Variants in RHBDD1 observed in about 807,000 individuals in gnomAD.
RHBDD1 encodes the protein rhomboid-related protein 4.
RHBDD1 carries 38 observed loss-of-function variants against 36.3 expected under a neutral mutation model. The ratio of observed to expected loss-of-function variants is 1.05; its 90% CI spans 0.81 to 1.37. RHBDD1 has a LOEUF of 1.37. RHBDD1 is among the 40% of genes most tolerant of loss of function. RHBDD1 has a pLI of 0.00. For synonymous variants in RHBDD1, 151 were observed against 136.5 expected (o/e 1.11, Z -0.74); for missense variants, 393 against 377.6 (o/e 1.04, Z -0.34).
intron 5 of RHBDD1, among the ~76,000 whole-genome samples, chr2:226,880,810 A>C (rs1407249871): frequency 2.0e-5 from 3 of 152,224 alleles, no homozygotes; most frequent in Non-Finnish European, 4.4e-5. Flanking sequence ...TGAATTACAT[A>C]AATAAGCCGA....
rs143072784 is a variant in RHBDD1 at position 226,982,080 on chromosome 2, C to G, written c.857-13351C>G. ...CTTTCACATATTTTCAACTTCCCCCCGCCCTCTTTTCTTTTCTTGCCCAGC... is the reference window on the plus strand; with the variant it reads ...CTTTCACATATTTTCAACTTCCCCCGGCCCTCTTTTCTTTTCTTGCCCAGC... On this transcript the variant is annotated intron_variant, in intron 8 of 8. Transcript: ENST00000392062. Among the ~76,000 whole-genome samples, 11 of 152,338 alleles carry G rather than the reference C, an allele frequency of 7.2e-5. No individual in the cohort carries two copies. In the East Asian group the frequency reaches 2.1e-3, roughly 29 times the overall value.
chr2:226,995,059 G>C (rs529656978), intron 8 of RHBDD1, among the ~76,000 whole-genome samples: 149 of 152,096 alleles, frequency 9.8e-4, no homozygotes, highest in African/African-American at 3.5e-3. Flanking sequence ...CTAGTTGGTG[G>C]GGAAGTTAGT....
upstream of RHBDD1, among the ~76,000 whole-genome samples, chr2:226,833,178 C>T (rs932193430): frequency 6.6e-6 from 1 of 152,064 alleles, no homozygotes; most frequent in South Asian, 2.1e-4. Flanking sequence ...ATTTAATTTG[C>T]AAGCTTTTCC....
chr2:226,898,427 T>A (rs1346981622), intron 5 of RHBDD1, among the ~76,000 whole-genome samples: 1 of 152,210 alleles, frequency 6.6e-6, no homozygotes, highest in Non-Finnish European at 1.5e-5. Context: ...TGTCTGCAGT[T>A]GGTGCCATGT....
At chr2:226,859,302 T>A (rs917788075) in intron 3 of RHBDD1, among the ~76,000 whole-genome samples, 3 of 152,222 alleles carry the variant, frequency 2.0e-5, no homozygotes, top group Admixed American at 6.5e-5. Context: ...GTACAGACTT[T>A]TTTTTCTTGT....
chr2:226,821,003 T>G, the RHBDD1 span, among the ~76,000 whole-genome samples: 1 of 152,164 alleles, frequency 6.6e-6, no homozygotes, highest in African/African-American at 2.4e-5. Flanking sequence ...AGGCTTCTGG[T>G]ACCCCCATCC....
chr2:226,902,979 TATATC>T (rs1287796839), intron 5 of RHBDD1, among the ~76,000 whole-genome samples: 1 of 152,238 alleles, frequency 6.6e-6, no homozygotes, highest in Non-Finnish European at 1.5e-5. Context: ...TATGTTATTT[TATATC>T]ATATATGCTT....
At chr2:226,879,299 T>A (rs1387278106) in intron 5 of RHBDD1, among the ~76,000 whole-genome samples, 5 of 152,188 alleles carry the variant, frequency 3.3e-5, no homozygotes, top group Admixed American at 2.0e-4. Context: ...CAGTATCATT[T>A]ATTGCCTTCA....
At chr2:226,832,197 A>G (rs547113963), upstream of RHBDD1, among the ~76,000 whole-genome samples, 11 of 151,816 alleles carry the variant, frequency 7.2e-5, no homozygotes, top group African/African-American at 2.7e-4. Flanking sequence ...ATATGTTTTC[A>G]CTTTCATTCA....
chr2:226,964,087 T>C (rs954489420), intron 8 of RHBDD1, among the ~76,000 whole-genome samples: 9 of 152,178 alleles, frequency 5.9e-5, no homozygotes, highest in Non-Finnish European at 2.9e-5. Flanking sequence ...AAAGATATTC[T>C]TAGTCTCTCT....
intron 5 of RHBDD1, among the ~76,000 whole-genome samples, chr2:226,881,057 T>G (rs1384265179): frequency 6.6e-6 from 1 of 152,144 alleles, no homozygotes; most frequent in Non-Finnish European, 1.5e-5. Context: ...TCAGGAAACT[T>G]ATAATCATGG....
chr2:226,916,902 A>G (rs1198260195), intron 8 of RHBDD1, among the ~76,000 whole-genome samples: 1 of 152,184 alleles, frequency 6.6e-6, no homozygotes, highest in Non-Finnish European at 1.5e-5. Context: ...AAAGAAAATA[A>G]TGACTTCCCT....
Position 226,986,143 on chromosome 2 carries a change from C to T in RHBDD1, c.857-9288C>T, listed in dbSNP as rs200932541. Among the ~76,000 whole-genome samples the T allele has an allele frequency of 2.0e-5, 3 of 152,168 alleles. No individual in the cohort carries two copies. The East Asian group carries it at 5.8e-4, about 29-fold the overall frequency. On this transcript the variant is annotated intron_variant, in intron 8 of 8. Coordinates refer to ENST00000392062, the MANE Select transcript of RHBDD1 (RefSeq NM_001167608.3). ...AAACCAGACCGAATGAAATTCTTCA[C>T]GATATCTGTCTGCTACCACTCAAGA...
intron 8 of RHBDD1, among the ~76,000 whole-genome samples, chr2:226,937,392 T>G (rs894720472): frequency 4.6e-5 from 7 of 152,122 alleles, no homozygotes; most frequent in Middle Eastern, 3.2e-3. Context: ...TGAATAAAAT[T>G]TTGTTCTTTT....
intron 8 of RHBDD1, among the ~76,000 whole-genome samples, chr2:226,917,555 A>G (rs1949002030): frequency 6.6e-6 from 1 of 151,966 alleles, no homozygotes; most frequent in African/African-American, 2.4e-5. Context: ...TCTAGCTTCT[A>G]CTTTGTGAGT....
In RHBDD1 at chr2:226,988,744, C is replaced by A. The variant is rs1024735920; in HGVS notation, c.857-6687C>A. ...GATATAGATATATTAAGAGATAGAA[C>A]GAGCATAGAGAATTATTCCTGTAAG... On this transcript the variant is annotated intron_variant, in intron 8 of 8. Coordinates refer to ENST00000392062, the MANE Select transcript of RHBDD1 (RefSeq NM_001167608.3). 9.9e-6 allele frequency: 9 copies of A among 908,976 alleles called. No individual in the cohort carries two copies. In the South Asian group the frequency reaches 3.6e-4, roughly 36 times the overall value. The allele number at this position is 908,976 out of a possible 1,614,324, so 56.3% of individuals were successfully genotyped here.
At chr2:226,978,499 C>A (rs1157694918) in intron 8 of RHBDD1, among the ~76,000 whole-genome samples, 3 of 152,108 alleles carry the variant, frequency 2.0e-5, no homozygotes, top group Non-Finnish European at 2.9e-5. Context: ...AAGAAACTGC[C>A]CACCTACGTC....
At chr2:226,823,188 G>C in the RHBDD1 span, among the ~76,000 whole-genome samples, 1 of 152,228 alleles carries the variant, frequency 6.6e-6, no homozygotes, top group Admixed American at 6.5e-5. Context: ...ATGTGAGGAT[G>C]CAGGAAGGAG....
intron 3 of RHBDD1, among the ~76,000 whole-genome samples, chr2:226,855,940 C>T (rs919455307): frequency 2.6e-5 from 4 of 152,166 alleles, no homozygotes; most frequent in African/African-American, 7.2e-5. Context: ...GAGATCCCTA[C>T]TCTAATTCCC....
Sources: gnomAD v4.1 joint callset for allele counts (sites outside exome capture counted in the v4.1 genomes callset) on GRCh38, gnomAD v4.1.1 for gene constraint, MANE v1.5 for transcripts, NCBI Gene and HGNC (gene_info 2026-07-23, HGNC 2026-07-21) for gene names.